The following ATP13A2 variants were observed in gnomAD, a reference collection of about 807,000 sequenced individuals.
ATP13A2 encodes polyamine-transporting ATPase 13A2.
ATP13A2 carries 83 observed loss-of-function variants against 138.3 expected under a neutral mutation model. The ratio of observed to expected loss-of-function variants is 0.60; its 90% CI spans 0.50 to 0.72. The LOEUF (loss-of-function observed/expected upper bound fraction) is 0.72, where lower values mean the gene tolerates loss of function less well. Ranked by LOEUF, ATP13A2 falls within the 30% of genes least tolerant of loss-of-function variation. ATP13A2 has a pLI of 0.00. For missense variants in ATP13A2, 1,402 were observed against 1,606.4 expected (o/e 0.87, Z 2.17); for synonymous variants, 663 against 699.0 (o/e 0.95, Z 0.81).
intron 8 of ATP13A2, chr1:17,000,848 G>A: frequency 6.0e-6 from 2 of 334,296 alleles, no homozygotes; most frequent in Non-Finnish European, 1.1e-5. Context: ...AGGCTGAGGT[G>A]GGAGGATCAC....
At chr1:17,010,148 G>A (rs908479636) in intron 1 of ATP13A2, among the ~76,000 whole-genome samples, 3 of 132,238 alleles carry the variant, frequency 2.3e-5, no homozygotes, top group Non-Finnish European at 4.7e-5. Flanking sequence ...AGAGATCTCA[G>A]CTCACTGCAC....
Position 16,988,184 on chromosome 1 carries a change from G to A in ATP13A2, c.2813C>T (p.Ala938Val). Reference sequence around the variant, plus strand: ...GATGAACTGGGTCAGGCTGTACAGAGCCATGTACTTGAAGACGCTGAACGA... The same window carrying A: ...GATGAACTGGGTCAGGCTGTACAGAACCATGTACTTGAAGACGCTGAACGA... Reference protein sequence around the residue: ...DTSFSVFKYMALYSLTQFISV... With the variant: ...DTSFSVFKYMVLYSLTQFISV... Residue 938 changes from alanine to valine, a missense_variant, in exon 25 of 29, where the codon GCT becomes GTT. Transcript: ENST00000326735. 1 of 1,614,188 alleles carries A rather than the reference G, an allele frequency of 6.2e-7. No homozygotes were observed. The highest frequency in any genetic ancestry group is 8.5e-7 in the Non-Finnish European group (1 of 1,180,030).
rs1017876550 is a variant in ATP13A2, at chr1:16,995,591, G to A, written c.1542+385C>T. 1 of 348,810 alleles carries A rather than the reference G, an allele frequency of 2.9e-6. No individual in the cohort carries two copies. The highest frequency in any genetic ancestry group is 2.1e-5 in the African/African-American group (1 of 46,810). 21.6% of individuals were successfully genotyped at this position (348,810 alleles called of 1,614,324 possible). The stretch of plus-strand genomic sequence containing the variant: ...GCCTCCCGAGTAGCTGGGATTACAA[G>A]CATGTGCCATCATGCCTGGCTAACT... On this transcript the variant is annotated intron_variant, in intron 15 of 28. Coordinates refer to ENST00000326735, the MANE Select transcript of ATP13A2 (RefSeq NM_022089.4). This position sits in a 1 kb window ranked among gnomAD's most constrained non-coding sequence, Gnocchi z 4.1.
chr1:16,989,846 G>A, intron 22 of ATP13A2, 41 bp downstream of exon 22: 2 of 1,610,388 alleles, frequency 1.2e-6, no homozygotes, highest in Non-Finnish European at 1.7e-6. Flanking sequence ...AGACAGAGCA[G>A]GGGAGGCGCA....
chr1:16,986,095 G>A lies in ATP13A2; in HGVS notation c.*126C>T, dbSNP rs753524964. On this transcript the variant is annotated 3_prime_UTR_variant, in exon 29 of 29. Coordinates refer to ENST00000326735, the MANE Select transcript of ATP13A2 (RefSeq NM_022089.4). This position sits in a 1 kb window ranked among gnomAD's most constrained non-coding sequence, Gnocchi z 6.9. ...CCCCAGGGTGGGGGTGGTCTCGGGGGAGGAGTGTAGACAGTCGCCAACCTC... is the reference window on the plus strand; with the variant it reads ...CCCCAGGGTGGGGGTGGTCTCGGGGAAGGAGTGTAGACAGTCGCCAACCTC... 4 of 1,557,196 alleles carry A rather than the reference G, an allele frequency of 2.6e-6. No individual in the cohort carries two copies. The highest frequency in any genetic ancestry group is 2.7e-5 in the African/African-American group (2 of 73,508).
chr1:16,996,973 G>C (rs1485237483), intron 12 of ATP13A2, 47 bp downstream of exon 12: 8 of 1,591,640 alleles, frequency 5.0e-6, no homozygotes, highest in Non-Finnish European at 6.8e-6. Flanking sequence ...CTCTCCCAAG[G>C]GTGCTGAGCC....
intron 6 of ATP13A2, among the ~76,000 whole-genome samples, chr1:17,003,714 A>C (rs1235109749): frequency 2.1e-5 from 3 of 145,902 alleles, no homozygotes; most frequent in Admixed American, 7.0e-5. Flanking sequence ...TCCAGGCTAG[A>C]GTGCAGTGGC....
intron 11 of ATP13A2, 49 bp from the exon 12 acceptor site, chr1:16,997,224 C>T: frequency 6.2e-7 from 1 of 1,609,670 alleles, no homozygotes; most frequent in Non-Finnish European, 8.5e-7. Flanking sequence ...TCCCTCCCAC[C>T]AGCAAACCAG....
In ATP13A2 at chr1:16,993,709, T is replaced by A; in HGVS notation, c.1669A>T (p.Thr557Ser). 6.3e-7 allele frequency: 1 copy of A among 1,592,242 alleles called. No homozygotes were observed. Residue 557 changes from threonine to serine, a missense_variant, in exon 16 of 29, where the codon ACC becomes TCC. Transcript: ENST00000326735. ...TGGAGCCGGCTGAGGGCATGGCAGGTGGCCAGTGCTCGGAGCAGGGGCCCC... is the reference window on the plus strand; with the variant it reads ...TGGAGCCGGCTGAGGGCATGGCAGGAGGCCAGTGCTCGGAGCAGGGGCCCC... ...PVGPLLRALA[T>S]CHALSRLQDT...
In ATP13A2 at chr1:16,986,574, G is replaced by C; in HGVS notation, c.3294C>G (p.Val1098=). The C allele has an allele frequency of 1.9e-6, 3 of 1,612,044 alleles. No homozygotes were observed. The highest frequency in any genetic ancestry group is 1.1e-5 in the South Asian group (1 of 91,078). The change falls in exon 28 of 29, where the codon GTC becomes GTG. Residue 1098 remains valine, a synonymous_variant. Coordinates refer to ENST00000326735, the MANE Select transcript of ATP13A2 (RefSeq NM_022089.4). The surrounding 1 kb of genome is among the most constrained non-coding windows in gnomAD (Gnocchi z 6.9). ...CCAGCGGCCCCTGCAGGAGGCCGGG[G>C]ACCAGGACAAGGCCCACCAGGACGG... The part of the protein sequence containing the change: ...LSSVLVGLVL[V]PGLLQGPLAL...
intron 10 of ATP13A2, 52 bp from the exon 11 acceptor site, chr1:17,000,194 G>GCCCCC: frequency 6.4e-7 from 1 of 1,570,252 alleles, no homozygotes; most frequent in Non-Finnish European, 8.7e-7. Flanking sequence ...CCCCAGCCAT[G>GCCCCC]CCCCCCCACC....
intron 20 of ATP13A2, among the ~76,000 whole-genome samples, chr1:16,990,803 C>T (rs963228612): frequency 3.3e-5 from 5 of 150,352 alleles, no homozygotes; most frequent in African/African-American, 4.9e-5. Context: ...ATTACAGGCA[C>T]GAGCCATGTG....
At position 17,011,828 on chromosome 1, in the gene ATP13A2, C is replaced by T. The variant is rs2077811474; in HGVS notation, c.-90G>A. The T allele has an allele frequency of 1.8e-6, 2 of 1,094,136 alleles. No individual in the cohort carries two copies. The highest frequency in any genetic ancestry group is 3.4e-5 in the African/African-American group (2 of 59,556). 67.8% of individuals were successfully genotyped at this position (1,094,136 alleles called of 1,614,324 possible). On this transcript the variant is annotated 5_prime_UTR_variant, in exon 1 of 29. Transcript: ENST00000326735. The surrounding 1 kb of genome is among the most constrained non-coding windows in gnomAD (Gnocchi z 7.3). ...CAAGGCCCTGGGCGGGGGCGCGGTCCGGACGGCCCGGGGCGAGGGGCGCTG... is the reference window on the plus strand; with the variant it reads ...CAAGGCCCTGGGCGGGGGCGCGGTCTGGACGGCCCGGGGCGAGGGGCGCTG...
In ATP13A2 at chr1:17,007,735, T is replaced by C. The variant is rs1322856161; in HGVS notation, c.11-1957A>G. ...CCCGGCTAATTTTTTGTATTTTTAG[T>C]AGAGATGGGGTTTCACCGTGTTAGC... is the stretch of plus-strand genomic sequence containing the variant. On this transcript the variant is annotated intron_variant, in intron 1 of 28. Coordinates refer to ENST00000326735, the MANE Select transcript of ATP13A2 (RefSeq NM_022089.4). 2.6e-5 allele frequency among the ~76,000 whole-genome samples: 4 copies of C among 151,850 alleles called. No homozygotes were observed. In the East Asian group the frequency reaches 7.8e-4, roughly 29 times the overall value.
rs1557667115 is a variant in ATP13A2, at chr1:16,986,953, GA to G, written c.3086del (p.Phe1029SerfsTer4). The part of the protein sequence containing the change: ...GYFLTLAQPW[F>X]VPLNRTVAAP... ...CGGCCACTGTCCTGTTCAGAGGCAC[GA>G]ACCTGGGGGTACAGGGATGGGGGTC... is the stretch of plus-strand genomic sequence containing the variant. On this transcript the variant is annotated frameshift_variant and splice_region_variant, in exon 27 of 29. Coordinates refer to ENST00000326735, the MANE Select transcript of ATP13A2 (RefSeq NM_022089.4). LOFTEE classifies it high-confidence loss of function. The surrounding 1 kb of genome is among the most constrained non-coding windows in gnomAD (Gnocchi z 6.9). The G allele has an allele frequency of 6.2e-7, 1 of 1,613,502 alleles. No homozygotes were observed. The highest frequency in any genetic ancestry group is 8.5e-7 in the Non-Finnish European group (1 of 1,179,856).
rs993043700 is a variant in ATP13A2, at chr1:17,005,723, C to T, written c.66G>A (p.Gly22=). 10 of 1,613,742 alleles carry T rather than the reference C, an allele frequency of 6.2e-6. No homozygotes were observed. The highest frequency in any genetic ancestry group is 8.5e-6 in the Non-Finnish European group (10 of 1,179,844). The change falls in exon 2 of 29, where the codon GGG becomes GGA. Residue 22 remains glycine (G), a synonymous_variant. Coordinates refer to ENST00000326735, the MANE Select transcript of ATP13A2 (RefSeq NM_022089.4). The part of the protein sequence containing the change: ...TPTGYGTLTI[G]TSIDPLSSSV... Reference sequence around the variant, plus strand: ...AGGAGCTGAGGGGATCTATTGATGTCCCTATCGTCAGGGTCCCATAACCGG... The same window carrying T: ...AGGAGCTGAGGGGATCTATTGATGTTCCTATCGTCAGGGTCCCATAACCGG...
In ATP13A2 at chr1:16,986,398, G is replaced by A. The variant is rs1300387814; in HGVS notation, c.3406-40C>T. 3.8e-6 allele frequency: 6 copies of A among 1,597,864 alleles called. No individual in the cohort carries two copies. Among genetic ancestry groups the A allele is most frequent in the Non-Finnish European group, 5.1e-6 (6 of 1,175,160 alleles). ...GAGGGTGTCAGGGGCAGCCGGGGCT[G>A]AGCTGGGGTCAATGCACCCCCACCT... On this transcript the variant is annotated intron_variant, in intron 28 of 28. Coordinates refer to ENST00000326735, the MANE Select transcript of ATP13A2 (RefSeq NM_022089.4). The surrounding 1 kb of genome is among the most constrained non-coding windows in gnomAD (Gnocchi z 6.9).
rs778353567 is a variant in ATP13A2, at chr1:16,989,979, T to C, written c.2437A>G (p.Thr813Ala). ...VKDPDQAASYTVEPDPRSRHL... is the reference protein window; with the variant it reads ...VKDPDQAASYAVEPDPRSRHL... ...CTGGATCGGGGGTCTGGCTCCACGG[T>C]GTAGCTTGCAGCCTGGTCAGGATCC... Residue 813 changes from threonine (T) to alanine (A), a missense_variant, in exon 22 of 29, where the codon ACC becomes GCC. Coordinates refer to ENST00000326735, the MANE Select transcript of ATP13A2 (RefSeq NM_022089.4). 6.2e-7 allele frequency: 1 copy of C among 1,610,252 alleles called. No individual in the cohort carries two copies. Among genetic ancestry groups the C allele is most frequent in the Non-Finnish European group, 8.5e-7 (1 of 1,178,308 alleles).
At chr1:17,008,627 C>G (rs754640673) in intron 1 of ATP13A2, among the ~76,000 whole-genome samples, 5 of 152,110 alleles carry the variant, frequency 3.3e-5, no homozygotes, top group Non-Finnish European at 7.4e-5. Flanking sequence ...GCTCCCTAGG[C>G]CCATTCAACA....
Sources: gnomAD v4.1 joint callset for allele counts (sites outside exome capture counted in the v4.1 genomes callset) on GRCh38, gnomAD v4.1.1 for gene constraint, Gnocchi (gnomAD v3.1) non-coding constraint, MANE v1.5 for transcripts, NCBI Gene and HGNC (gene_info 2026-07-23, HGNC 2026-07-21) for gene names.